CMC1: variants seen among roughly 807,000 people sequenced by gnomAD.
The protein encoded by CMC1 is C-X9-C motif containing 1.
A neutral mutation model predicts 14.1 loss-of-function variants in CMC1; 14 were observed. The observed-to-expected ratio is 0.99, with a 90% CI of 0.66 to 1.55. The LOEUF (loss-of-function observed/expected upper bound fraction) is 1.55. Among genes scored for constraint, CMC1 ranks in the 40% most tolerant of loss-of-function variants. The probability of loss-of-function intolerance (pLI) is 0.00; values close to 1 mark genes in which losing one functional copy is unlikely to be tolerated. For synonymous variants in CMC1, 50 were observed against 38.4 expected, an observed-to-expected ratio of 1.30 and a Z score of -1.12; for missense variants, 127 against 123.8, an observed-to-expected ratio of 1.03 and a Z score of -0.12.
At chr3:28,274,147 T>G (rs1022806007) in intron 2 of CMC1, among the ~76,000 whole-genome samples, 4 of 151,832 alleles carry the variant, frequency 2.6e-5, no homozygotes, top group African/African-American at 4.8e-5. Context: ...GCTAACTGGT[T>G]ATTTTGCCAA....
chr3:28,290,694 T>C (rs1450034662), intron 2 of CMC1, among the ~76,000 whole-genome samples: 1 of 152,168 alleles, frequency 6.6e-6, no homozygotes, highest in East Asian at 1.9e-4. Flanking sequence ...TAATTGAAAA[T>C]GTTTTTTGTT....
At position 28,241,808 on chromosome 3, in the gene CMC1, C is replaced by T; in HGVS notation, c.15C>T (p.Pro5=). The change falls in exon 1 of 4, where the codon CCC becomes CCT. Residue 5 remains proline (P), a synonymous_variant. Transcript: ENST00000466830. Reference sequence around the variant, plus strand: ...GGCCCGCCGAGATGGCGCTCGACCCCGCAGGTACCGGGGCGGGAAGCGGGG... The same window carrying T: ...GGCCCGCCGAGATGGCGCTCGACCCTGCAGGTACCGGGGCGGGAAGCGGGG... MALD[P]ADQHLRHVEK... is the part of the protein sequence containing the mutation. 1 of 1,239,810 alleles carries T rather than the reference C, an allele frequency of 8.1e-7. No individual in the cohort carries two copies. Among genetic ancestry groups the T allele is most frequent in the Middle Eastern group, 2.1e-4 (1 of 4,660 alleles). The allele number at this position is 1,239,810 out of a possible 1,614,324, so 76.8% of individuals were successfully genotyped here.
chr3:28,247,305 A>G (rs183669568), intron 1 of CMC1, among the ~76,000 whole-genome samples: 1 of 151,938 alleles, frequency 6.6e-6, no homozygotes, highest in Non-Finnish European at 1.5e-5. Context: ...TTATTAATAG[A>G]TTGCCTTTAG....
intron 1 of CMC1, among the ~76,000 whole-genome samples, chr3:28,243,862 A>C (rs1363616566): frequency 6.6e-6 from 1 of 152,156 alleles, no homozygotes; most frequent in Non-Finnish European, 1.5e-5. Flanking sequence ...ATTTTTACAG[A>C]TTGTGATAAA....
chr3:28,247,746 A>G (rs1280408302), intron 1 of CMC1, among the ~76,000 whole-genome samples: 1 of 152,226 alleles, frequency 6.6e-6, no homozygotes, highest in Non-Finnish European at 1.5e-5. Context: ...GCACACATGT[A>G]TACATACACA....
intron 2 of CMC1, among the ~76,000 whole-genome samples, chr3:28,288,568 C>T (rs2125541298): frequency 6.6e-6 from 1 of 151,970 alleles, no homozygotes; most frequent in Non-Finnish European, 1.5e-5. Context: ...TTTATAGTTA[C>T]TATTGAAGGT....
rs548528147 is a variant in CMC1, at chr3:28,242,732, A to G, written c.19+920A>G. Among the ~76,000 whole-genome samples, 3 of 152,318 alleles carry G rather than the reference A, an allele frequency of 2.0e-5. No individual in the cohort carries two copies. In the South Asian group the frequency reaches 6.2e-4, roughly 32 times the overall value. On this transcript the variant is annotated intron_variant, in intron 1 of 3. Coordinates refer to ENST00000466830, the MANE Select transcript of CMC1 (RefSeq NM_182523.2). ...AACTGAGGCGAAGAGAAGTTAAGTG[A>G]CTAGTCCAGCAGGTAGTGGTAGATC...
intron 2 of CMC1, among the ~76,000 whole-genome samples, chr3:28,288,806 T>C (rs1701327650): frequency 6.6e-6 from 1 of 151,644 alleles, no homozygotes; most frequent in African/African-American, 2.4e-5. Context: ...TTTATAATTT[T>C]TATTTTTATA....
At chr3:28,286,195 T>C (rs1484881634) in intron 2 of CMC1, among the ~76,000 whole-genome samples, 1 of 152,226 alleles carries the variant, frequency 6.6e-6, no homozygotes, top group Non-Finnish European at 1.5e-5. Flanking sequence ...CATTTTTATA[T>C]TGATAGAATA....
At position 28,253,706 on chromosome 3, in the gene CMC1, A is replaced by G. The variant is rs1372306949; in HGVS notation, c.20-9585A>G. Reference sequence around the variant, plus strand: ...AGAACACTGTTGCAAGTTTATTACAAGCATTTTTCATGTTTTTCCTACAGA... The same window carrying G: ...AGAACACTGTTGCAAGTTTATTACAGGCATTTTTCATGTTTTTCCTACAGA... On this transcript the variant is annotated intron_variant, in intron 1 of 3. Coordinates refer to ENST00000466830, the MANE Select transcript of CMC1 (RefSeq NM_182523.2). 5 of 1,257,552 alleles carry G rather than the reference A, an allele frequency of 4.0e-6. No individual in the cohort carries two copies. In the South Asian group the frequency reaches 5.0e-5, roughly 13 times the overall value. The allele number at this position is 1,257,552 out of a possible 1,614,324, so 77.9% of individuals were successfully genotyped here.
At chr3:28,259,898 C>CT (rs1229122649) in intron 1 of CMC1, among the ~76,000 whole-genome samples, 1 of 151,946 alleles carries the variant, frequency 6.6e-6, no homozygotes, top group African/African-American at 2.4e-5. Flanking sequence ...TACCATGTTT[C>CT]TTTTTTTATA....
At chr3:28,250,163 A>G (rs538888430) in intron 1 of CMC1, among the ~76,000 whole-genome samples, 46 of 152,292 alleles carry the variant, frequency 3.0e-4, no homozygotes, top group African/African-American at 1.1e-3. Flanking sequence ...ACACAATTCA[A>G]CTCATGCCAA....
chr3:28,262,188 T>A (rs1367677814), intron 1 of CMC1, among the ~76,000 whole-genome samples: 1 of 152,160 alleles, frequency 6.6e-6, no homozygotes, highest in Non-Finnish European at 1.5e-5. Flanking sequence ...TTCTCATTCC[T>A]TTATGTAGGC....
At position 28,324,241 on chromosome 3, in the gene CMC1, G is replaced by C. The variant is rs764881587; in HGVS notation, c.*4612G>C. ...TTCCTGAAAGCATGTACCATCATTA[G>C]GAATGGATCTCTCATTGTCTGTCCA... On this transcript the variant is annotated 3_prime_UTR_variant, in exon 4 of 4. Transcript: ENST00000466830. The C allele has an allele frequency of 1.9e-6, 3 of 1,610,156 alleles. No homozygotes were observed. The highest frequency in any genetic ancestry group is 1.6e-4 in the Middle Eastern group (1 of 6,068).
chr3:28,315,707 T>A (rs1268263576), intron 2 of CMC1, among the ~76,000 whole-genome samples: 1 of 152,130 alleles, frequency 6.6e-6, no homozygotes, highest in Non-Finnish European at 1.5e-5. Flanking sequence ...TTCCATAAGA[T>A]GATAATGGTG....
At chr3:28,260,356 G>C (rs911658441) in intron 1 of CMC1, among the ~76,000 whole-genome samples, 4 of 151,852 alleles carry the variant, frequency 2.6e-5, no homozygotes, top group African/African-American at 9.7e-5. Context: ...AGTGAGCTTT[G>C]GTTGGTTTGT....
rs1436837560 is a variant in CMC1 at position 28,323,352 on chromosome 3, TCA to T, written c.*3724_*3725del. 2 of 145,904 alleles carry T rather than the reference TCA, an allele frequency of 1.4e-5. No individual in the cohort carries two copies. Among genetic ancestry groups the T allele is most frequent in the South Asian group, 2.1e-4 (1 of 4,696 alleles). The allele number at this position is 145,904 out of a possible 1,614,324, so 9.0% of individuals were successfully genotyped here. On this transcript the variant is annotated 3_prime_UTR_variant, in exon 4 of 4. Transcript: ENST00000466830. ...TACACCCCAGAGTTTTTCAACTATTTCATTTTTTTTTTTTTTTTTCCCAATTA... is the reference window on the plus strand; with the variant it reads ...TACACCCCAGAGTTTTTCAACTATTTTTTTTTTTTTTTTTTTTCCCAATTA...
At chr3:28,242,796 A>G (rs1156726802) in intron 1 of CMC1, among the ~76,000 whole-genome samples, 1 of 152,168 alleles carries the variant, frequency 6.6e-6, no homozygotes, top group Non-Finnish European at 1.5e-5. Context: ...GAGTTCTGGA[A>G]CATAATGATC....
chr3:28,324,503 C>G lies in CMC1; in HGVS notation c.*4874C>G. ...TGTCAGTTTTCATTACATTTGTGATCATAAAATTCGATAACACTTCACCAA... is the reference window on the plus strand; with the variant it reads ...TGTCAGTTTTCATTACATTTGTGATGATAAAATTCGATAACACTTCACCAA... On this transcript the variant is annotated 3_prime_UTR_variant, in exon 4 of 4. Transcript: ENST00000466830. 1 of 1,388,982 alleles carries G rather than the reference C, an allele frequency of 7.2e-7. No individual in the cohort carries two copies. Among genetic ancestry groups the G allele is most frequent in the Non-Finnish European group, 9.5e-7 (1 of 1,056,952 alleles). The allele number at this position is 1,388,982 out of a possible 1,614,324, so 86.0% of individuals were successfully genotyped here.
Sources: allele counts gnomAD v4.1 joint callset (sites outside exome capture counted in the v4.1 genomes callset), GRCh38; gene constraint gnomAD v4.1.1; transcripts MANE v1.5; gene names NCBI Gene and HGNC (gene_info 2026-07-23, HGNC 2026-07-21).